ECHS1: variants seen among roughly 807,000 people sequenced by gnomAD.
ECHS1 encodes the protein enoyl-CoA hydratase, short chain 1.
Under a neutral mutation model 33.5 loss-of-function variants are expected in ECHS1, and 19 were observed. That is an observed-to-expected ratio of 0.57 (90% CI 0.40 to 0.83). ECHS1 has a LOEUF of 0.83. Ranked by LOEUF, ECHS1 falls within the 40% of genes least tolerant of loss-of-function variation. ECHS1 has a pLI of 0.00. For synonymous variants in ECHS1, 158 were observed against 146.6 expected (o/e 1.08, Z -0.56); for missense variants, 365 against 381.3 (o/e 0.96, Z 0.36).
Position 133,362,728 on chromosome 10 carries a change from G to T in ECHS1, c.*140C>A. On this transcript the variant is annotated 3_prime_UTR_variant, in exon 8 of 8. Coordinates refer to ENST00000368547, the MANE Select transcript of ECHS1 (RefSeq NM_004092.4). ...AGGCTGTCATGCCGTGAGAGGTCGG[G>T]CCACGACCACGCAGCAATTGGAGAG... is the stretch of plus-strand genomic sequence containing the variant. The T allele has an allele frequency of 2.1e-6, 2 of 948,062 alleles. No individual in the cohort carries two copies. Among genetic ancestry groups the T allele is most frequent in the Non-Finnish European group, 3.3e-6 (2 of 601,298 alleles). 58.7% of individuals were successfully genotyped at this position (948,062 alleles called of 1,614,324 possible).
Position 133,364,714 on chromosome 10 carries a change from T to C in ECHS1, c.751A>G (p.Thr251Ala). 6.2e-7 allele frequency: 1 copy of C among 1,613,706 alleles called. No individual in the cohort carries two copies. Among genetic ancestry groups the C allele is most frequent in the Non-Finnish European group, 8.5e-7 (1 of 1,179,688 alleles). ...KESVNAAFEMTLTEGSKLEKK... is the reference protein window; with the variant it reads ...KESVNAAFEMALTEGSKLEKK... ...TCCAACTTACTTCCTTCTGTTAATGTCATTTCAAAAGCTGAAAAACAAAGT... is the reference window on the plus strand; with the variant it reads ...TCCAACTTACTTCCTTCTGTTAATGCCATTTCAAAAGCTGAAAAACAAAGT... The change falls in exon 7 of 8, where the codon ACA (threonine) becomes GCA (alanine). Residue 251 changes from threonine to alanine, a missense_variant. Transcript: ENST00000368547.
At chr10:133,371,276 CA>C (rs79000481) in intron 1 of ECHS1, among the ~76,000 whole-genome samples, 39,403 of 149,836 alleles carry the variant, frequency 0.26, 5,559 homozygotes, top group East Asian at 0.4. Context: ...GACTCCGTCT[CA>C]AAAAAAAAGA....
chr10:133,369,418 G>A (rs1477310496), intron 3 of ECHS1, among the ~76,000 whole-genome samples: 2 of 24,410 alleles, frequency 8.2e-5, no homozygotes, highest in African/African-American at 1.3e-4. Context: ...TGGTTTACAC[G>A]GCAGGGAGCG....
intron 7 of ECHS1, among the ~76,000 whole-genome samples, chr10:133,363,911 A>G (rs1848998137): frequency 6.6e-6 from 1 of 152,172 alleles, no homozygotes; most frequent in Non-Finnish European, 1.5e-5. Context: ...CCTATTCCAA[A>G]TAATTGGAAT....
At chr10:133,373,177 G>T (rs1849139687) in intron 1 of ECHS1, 69 bp downstream of exon 1, 2 of 1,277,796 alleles carry the variant, frequency 1.6e-6, no homozygotes, top group Admixed American at 3.9e-5. Flanking sequence ...TGCGGTCTGG[G>T]ATCTGGTCTG....
chr10:133,364,106 G>A (rs757625096), intron 7 of ECHS1, among the ~76,000 whole-genome samples: 3 of 151,976 alleles, frequency 2.0e-5, no homozygotes, highest in African/African-American at 7.3e-5. Flanking sequence ...CACCACGCCC[G>A]GCTAATTTTT....
chr10:133,370,442 G>T (rs1849088685), intron 2 of ECHS1, 118 bp downstream of exon 2: 1 of 1,121,124 alleles, frequency 8.9e-7, no homozygotes, highest in Non-Finnish European at 1.2e-6. Flanking sequence ...ATTTGAGGAA[G>T]TCCCCAGTCG....
At chr10:133,366,179 C>T (rs529275877) in intron 5 of ECHS1, 84 bp from the exon 6 acceptor site, 91 of 1,522,292 alleles carry the variant, frequency 6.0e-5, no homozygotes, top group Middle Eastern at 1.8e-4. Context: ...TGGGGAGCAG[C>T]GTGGCTGGAG....
chr10:133,370,454 A>T, intron 2 of ECHS1, 106 bp downstream of exon 2: 20 of 1,198,246 alleles, frequency 1.7e-5, no homozygotes, highest in South Asian at 3.4e-5. Flanking sequence ...CCCCAGTCGC[A>T]TGCCTCTGCC....
chr10:133,366,018 A>C lies in ECHS1; in HGVS notation c.697T>G (p.Ser233Ala). 1 of 1,613,970 alleles carries C rather than the reference A, an allele frequency of 6.2e-7. No individual in the cohort carries two copies. Among genetic ancestry groups the C allele is most frequent in the South Asian group, 1.1e-5 (1 of 91,082 alleles). Residue 233 changes from serine to alanine, a missense_variant, in exon 6 of 8, where the codon TCT becomes GCT. Physicochemically the swap from Ser to Ala is moderately conservative, Grantham distance 99 (BLOSUM62 1). Coordinates refer to ENST00000368547, the MANE Select transcript of ECHS1 (RefSeq NM_004092.4). The part of the protein sequence containing the change: ...IQCAEKIASN[S>A]KIVVAMAKES... Reference sequence around the variant, plus strand: ...TTGGCCATCGCTACTACAATTTTAGAATTGCTGGCAATTTTTTCTGCACAC... The same window carrying C: ...TTGGCCATCGCTACTACAATTTTAGCATTGCTGGCAATTTTTTCTGCACAC...
At chr10:133,364,526 T>C (rs1849004778) in intron 7 of ECHS1, 132 bp downstream of exon 7, 3 of 702,558 alleles carry the variant, frequency 4.3e-6, no homozygotes, top group Non-Finnish European at 7.4e-6. Flanking sequence ...ACCAATCTGA[T>C]CCCGTTAAAG....
chr10:133,363,595 C>T (rs1472383823), intron 7 of ECHS1, among the ~76,000 whole-genome samples: 2 of 152,106 alleles, frequency 1.3e-5, no homozygotes, highest in Admixed American at 1.3e-4. Context: ...ACCAGCCTGG[C>T]CAACATGGTG....
Position 133,366,051 on chromosome 10 carries a change from C to T in ECHS1, c.664G>A (p.Ala222Thr), listed in dbSNP as rs151006739. 40 of 1,613,804 alleles carry T rather than the reference C, an allele frequency of 2.5e-5. No homozygotes were observed. The highest frequency in any genetic ancestry group is 3.1e-5 in the Non-Finnish European group (36 of 1,180,004). ...ICPVETLVEE[A>T]IQCAEKIASN... ...GCAATTTTTTCTGCACACTGGATGG[C>T]TTCTTCCACCAGTGTCTCAACAGGA... is the stretch of plus-strand genomic sequence containing the variant. Residue 222 changes from alanine to threonine, a missense_variant, in exon 6 of 8, where the codon GCC becomes ACC. Transcript: ENST00000368547.
intron 2 of ECHS1, among the ~76,000 whole-genome samples, 177 bp from the exon 3 acceptor site, chr10:133,370,208 C>G (rs1435203701): frequency 6.6e-6 from 1 of 152,238 alleles, no homozygotes; most frequent in African/African-American, 2.4e-5. Flanking sequence ...CCAGCTAGAA[C>G]AGAAGTCACG....
intron 4 of ECHS1, among the ~76,000 whole-genome samples, chr10:133,367,225 G>C (rs1402037168): frequency 6.6e-6 from 1 of 152,070 alleles, no homozygotes; most frequent in Non-Finnish European, 1.5e-5. Context: ...TAGGTGCCGA[G>C]GCAAGAGACT....
At chr10:133,373,171 G>A (rs1849139550) in intron 1 of ECHS1, 75 bp downstream of exon 1, 2 of 1,240,576 alleles carry the variant, frequency 1.6e-6, no homozygotes, top group Non-Finnish European at 2.1e-6. Context: ...GGGGGGTGCG[G>A]TCTGGGATCT....
Position 133,364,667 on chromosome 10 carries a change from G to A in ECHS1, c.798C>T (p.Thr266=), listed in dbSNP as rs2133438724. Residue 266 remains threonine, a synonymous_variant, in exon 7 of 8, where the codon ACC becomes ACT. Transcript: ENST00000368547. ...AACACTGTTTACTCACAGTGGCAAAGGTTGAATAAAAGAGTTTCTTCTCCA... is the reference window on the plus strand; with the variant it reads ...AACACTGTTTACTCACAGTGGCAAAAGTTGAATAAAAGAGTTTCTTCTCCA... The part of the protein sequence containing the change: ...SKLEKKLFYS[T]FATDDRKEGM... The A allele has an allele frequency of 3.1e-6, 5 of 1,613,134 alleles. No homozygotes were observed. The highest frequency in any genetic ancestry group is 2.5e-6 in the Non-Finnish European group (3 of 1,179,200).
In ECHS1 at chr10:133,366,753, T is replaced by C. The variant is rs115104600; in HGVS notation, c.619+136A>G. 3,874 of 604,122 alleles carry C rather than the reference T, an allele frequency of 6.4e-3. 200 individuals are homozygous for C. The African/African-American group carries it at 0.076, about 12-fold the overall frequency. 37.4% of individuals were successfully genotyped at this position (604,122 alleles called of 1,614,324 possible). On this transcript the variant is annotated intron_variant, in intron 5 of 7. Transcript: ENST00000368547. ...GCTCAGGGTTTCTGTGGGGCACCCA[T>C]GAGGGGGACACCTGGATGCTGCCCC...
chr10:133,364,781 T>C (rs1392142318), intron 6 of ECHS1, 56 bp from the exon 7 acceptor site: 1 of 1,446,112 alleles, frequency 6.9e-7, no homozygotes, highest in East Asian at 2.3e-5. Context: ...GAACTTTTCC[T>C]GCACGGTGAC....
Sources: allele counts gnomAD v4.1 joint callset (sites outside exome capture counted in the v4.1 genomes callset), GRCh38; gene constraint gnomAD v4.1.1; transcripts MANE v1.5; gene names NCBI Gene and HGNC (gene_info 2026-07-23, HGNC 2026-07-21).